The following CHD2 variants were observed in gnomAD, a reference collection of about 807,000 sequenced individuals.
The protein encoded by CHD2 is ATP-dependent chromatin remodeler CHD2.
In CHD2, 28 loss-of-function variants were observed where a neutral mutation model predicts 243.9. The ratio of observed to expected loss-of-function variants is 0.11; its 90% confidence interval spans 0.09 to 0.16. CHD2 has a LOEUF of 0.16. Ranked by LOEUF, CHD2 falls within the 10% of genes least tolerant of loss-of-function variation. CHD2 has a pLI of 1.00. For missense variants in CHD2, 1,386 were observed against 2,209.8 expected (o/e 0.63, Z 7.47); for synonymous variants, 775 against 779.0 (o/e 0.99, Z 0.09).
intron 20 of CHD2, among the ~76,000 whole-genome samples, chr15:92,975,712 A>T (rs1032460425): frequency 1.3e-5 from 2 of 151,442 alleles, no homozygotes; most frequent in African/African-American, 4.9e-5. Flanking sequence ...CTTTCTGAAG[A>T]GCTTTAAAAA....
Position 92,946,367 on chromosome 15 carries a change from A to T in CHD2, c.1377+151A>T, listed in dbSNP as rs570686213. The T allele has an allele frequency of 3.2e-4, 168 of 521,904 alleles. No homozygotes were observed. In the Middle Eastern group the frequency reaches 8.6e-3, roughly 27 times the overall value. The allele number at this position is 521,904 out of a possible 1,614,324, so 32.3% of individuals were successfully genotyped here. A position where few individuals can be genotyped will look rare whatever the true frequency, so the allele number is the denominator to read the frequency against. ...TGATTTAAATATGACATTAAAGCAA[A>T]AGGAGAGAATGAATTATTTCATGGC... On this transcript the variant is annotated intron_variant, in intron 12 of 38. Coordinates refer to ENST00000394196, the MANE Select transcript of CHD2 (RefSeq NM_001271.4).
chr15:93,019,957 A>G (rs1203752804), intron 37 of CHD2, 55 bp from the exon 38 acceptor site: 28 of 1,554,184 alleles, frequency 1.8e-5, no homozygotes, highest in Non-Finnish European at 2.1e-5. Context: ...ATTGTAGTGA[A>G]AGTGAAATTC....
intron 14 of CHD2, chr15:92,954,067 C>G (rs931006134): frequency 6.5e-6 from 1 of 153,226 alleles, no homozygotes; most frequent in Admixed American, 6.5e-5. Flanking sequence ...TAAACTGTTA[C>G]CAAACTTTAT....
intron 24 of CHD2, among the ~76,000 whole-genome samples, chr15:92,983,078 G>T (rs1318614359): frequency 2.6e-5 from 4 of 152,000 alleles, no homozygotes; most frequent in Admixed American, 1.3e-4. Context: ...GCTCTCTGGG[G>T]GTCCCTTTTA....
At chr15:93,015,241 G>A (rs2054444174) in intron 37 of CHD2, among the ~76,000 whole-genome samples, 1 of 152,144 alleles carries the variant, frequency 6.6e-6, no homozygotes, top group African/African-American at 2.4e-5. Flanking sequence ...ACCACGCTGA[G>A]CTAATTTTTA....
At chr15:93,019,880 C>T in intron 37 of CHD2, 132 bp from the exon 38 acceptor site, 1 of 1,081,906 alleles carries the variant, frequency 9.2e-7, no homozygotes, top group Non-Finnish European at 1.3e-6. Flanking sequence ...TTGCAGTGAT[C>T]TAAGATCGTG....
chr15:92,983,599 A>C (rs1408349281), intron 24 of CHD2, among the ~76,000 whole-genome samples: 4 of 152,150 alleles, frequency 2.6e-5, no homozygotes. Context: ...TGCTGTCCAG[A>C]GGTGGTAGAT....
At position 92,923,561 on chromosome 15, in the gene CHD2, G is replaced by GTTT. The variant is rs1199703270; in HGVS notation, c.63-742_63-740dup. ...AGGCTTGAGCCACTGTGTCCAGCTT[G>GTTT]TTTTTTTTTTTTTTTTTTTTCTGGA... On this transcript the variant is annotated intron_variant, in intron 2 of 38. Transcript: ENST00000394196. Among the ~76,000 whole-genome samples, 18 of 121,518 alleles carry GTTT rather than the reference G, an allele frequency of 1.5e-4. 1 individual carries two copies. Among genetic ancestry groups the GTTT allele is most frequent in the Admixed American group, 1.7e-4 (2 of 11,540 alleles). The allele number at this position is 121,518 out of a possible 152,430, so 79.7% of individuals were successfully genotyped here.
At chr15:92,958,876 A>T (rs1315549936) in intron 16 of CHD2, among the ~76,000 whole-genome samples, 2 of 152,210 alleles carry the variant, frequency 1.3e-5, no homozygotes, top group Non-Finnish European at 2.9e-5. Context: ...TTCTGAGCAC[A>T]TTCAGGGTAG....
rs1596379566 is a variant in CHD2, at chr15:92,924,397, A to G, written c.139A>G (p.Ser47Gly). 1 of 1,614,180 alleles carries G rather than the reference A, an allele frequency of 6.2e-7. No homozygotes were observed. Among genetic ancestry groups the G allele is most frequent in the Non-Finnish European group, 8.5e-7 (1 of 1,180,020 alleles). The part of the protein sequence containing the change: ...SESEQGSDPG[S>G]GHGSESNSSS... Reference sequence around the variant, plus strand: ...AAGTGAGCAGGGAAGTGATCCAGGAAGTGGACATGGCAGCGAGTCGAACAG... The same window carrying G: ...AAGTGAGCAGGGAAGTGATCCAGGAGGTGGACATGGCAGCGAGTCGAACAG... Residue 47 changes from serine (S) to glycine (G), a missense_variant, in exon 3 of 39, where the codon AGT becomes GGT. Coordinates refer to ENST00000394196, the MANE Select transcript of CHD2 (RefSeq NM_001271.4).
At chr15:92,901,785 G>GA (rs2052532224) in intron 2 of CHD2, 1 of 252,598 alleles carries the variant, frequency 4.0e-6, no homozygotes, top group Non-Finnish European at 7.4e-6. Context: ...TTATATGAAT[G>GA]AAAAAATGTA....
chr15:93,004,895 C>A, intron 34 of CHD2, 144 bp downstream of exon 34: 1 of 812,092 alleles, frequency 1.2e-6, no homozygotes, highest in Non-Finnish European at 1.8e-6. Flanking sequence ...TATCGGAAGA[C>A]CATGTGCTCT....
chr15:93,021,984 C>A (rs952740364), intron 38 of CHD2: 1 of 152,180 alleles, frequency 6.6e-6, no homozygotes, highest in African/African-American at 2.4e-5. Flanking sequence ...GAAGCAGTTT[C>A]CTTTTTCAGG....
intron 2 of CHD2, among the ~76,000 whole-genome samples, chr15:92,905,856 A>G (rs925563740): frequency 6.6e-6 from 1 of 152,198 alleles, no homozygotes. Context: ...GTAGCTTCCA[A>G]CTTAAAGTAT....
At chr15:92,972,030 C>A in intron 18 of CHD2, 103 bp downstream of exon 18, 2 of 1,268,384 alleles carry the variant, frequency 1.6e-6, no homozygotes, top group South Asian at 1.5e-5. Context: ...TATCAAGGAT[C>A]ATCAAAGGAA....
At chr15:93,004,513 C>A in intron 33 of CHD2, 104 bp from the exon 34 acceptor site, 2 of 1,063,756 alleles carry the variant, frequency 1.9e-6, no homozygotes, top group South Asian at 2.5e-5. Context: ...TAAACTGAGA[C>A]CATCATATTT....
intron 2 of CHD2, among the ~76,000 whole-genome samples, chr15:92,903,810 ATTAAAT>A (rs1278884715): frequency 6.6e-6 from 1 of 152,234 alleles, no homozygotes; most frequent in Non-Finnish European, 1.5e-5. Flanking sequence ...GAACGAGTTT[ATTAAAT>A]TTATCTCCAA....
chr15:92,963,460 A>G (rs1378884453), intron 16 of CHD2, among the ~76,000 whole-genome samples: 2 of 152,200 alleles, frequency 1.3e-5, no homozygotes, highest in African/African-American at 4.8e-5. Flanking sequence ...TCCTTATGTT[A>G]TAAATCCAAG....
In CHD2 at chr15:92,997,603, A is replaced by T. The variant is rs2054203535; in HGVS notation, c.3885+200A>T. 1 of 422,224 alleles carries T rather than the reference A, an allele frequency of 2.4e-6. No individual in the cohort carries two copies. The highest frequency in any genetic ancestry group is 2.1e-5 in the African/African-American group (1 of 48,554). The allele number at this position is 422,224 out of a possible 1,614,324, so 26.2% of individuals were successfully genotyped here. A position where few individuals can be genotyped will look rare whatever the true frequency, so the allele number is the denominator to read the frequency against. ...AAGGGAAAAGACAGTAGCCAGGTGA[A>T]ATTTTGGGGAAACTGTAGGAGAAAT... On this transcript the variant is annotated intron_variant, in intron 30 of 38. Transcript: ENST00000394196. This position sits in a 1 kb window ranked among gnomAD's most constrained non-coding sequence, Gnocchi z 4.1.
Sources: gnomAD v4.1 joint callset for allele counts (sites outside exome capture counted in the v4.1 genomes callset) on GRCh38, gnomAD v4.1.1 for gene constraint, Gnocchi (gnomAD v3.1) non-coding constraint, MANE v1.5 for transcripts, NCBI Gene and HGNC (gene_info 2026-07-23, HGNC 2026-07-21) for gene names.